USP44: variants seen among roughly 807,000 people sequenced by gnomAD.
USP44 encodes the protein ubiquitin specific peptidase 44, also known as ubiquitin carboxyl-terminal hydrolase 44.
In USP44, 61 loss-of-function variants were observed where a neutral mutation model predicts 69.0. The observed-to-expected ratio is 0.88, with a 90% CI of 0.72 to 1.09. The LOEUF is 1.09. Among genes scored for constraint, USP44 ranks in the 50% least tolerant of loss-of-function variants. USP44 has a pLI of 0.00. For missense variants in USP44, 753 were observed against 849.9 expected (o/e 0.89, Z 1.42); for synonymous variants, 297 against 295.4 (o/e 1.01, Z -0.06).
chr12:95,542,954 G>A (rs943140261), intron 1 of USP44, among the ~76,000 whole-genome samples: 7 of 151,468 alleles, frequency 4.6e-5, no homozygotes, highest in Admixed American at 4.0e-4. Context: ...CAGGTATGGT[G>A]GTGGGCGCCT....
intron 1 of USP44, chr12:95,535,338 A>C (rs2077165044): frequency 6.6e-6 from 1 of 152,172 alleles, no homozygotes. Flanking sequence ...TTACCATTAA[A>C]CTTATTTTTT....
In USP44 at chr12:95,533,597, A is replaced by G; in HGVS notation, c.660T>C (p.Ala220=). The change falls in exon 2 of 6, where the codon GCT becomes GCC. Residue 220 remains alanine (A), a synonymous_variant. Transcript: ENST00000258499. The part of the protein sequence containing the change: ...PRKSLRLQGL[A]QSTIIEIVSV... ...AAACTATTTCTATTATGGTCGACTG[A>G]GCGAGCCCTTGTAAACGTAAACTCT... 6.2e-7 allele frequency: 1 copy of G among 1,613,796 alleles called. No individual in the cohort carries two copies.
At chr12:95,531,057 G>A (rs1042570010) in intron 2 of USP44, among the ~76,000 whole-genome samples, 5 of 152,092 alleles carry the variant, frequency 3.3e-5, no homozygotes, top group African/African-American at 1.2e-4. Flanking sequence ...CCAGCTACTT[G>A]GGAGGCTGAG....
At chr12:95,545,040 T>C (rs936819624) in intron 1 of USP44, among the ~76,000 whole-genome samples, 27 of 152,158 alleles carry the variant, frequency 1.8e-4, no homozygotes, top group Non-Finnish European at 3.2e-4. Context: ...TTTTCTACTC[T>C]CATGTATGAC....
chr12:95,521,657 T>C (rs1415891265), intron 4 of USP44, among the ~76,000 whole-genome samples: 1 of 152,190 alleles, frequency 6.6e-6, no homozygotes, highest in East Asian at 1.9e-4. Context: ...CTAATTTTTG[T>C]ATTTTTAGTA....
Position 95,528,813 on chromosome 12 carries a change from A to G in USP44, c.1618T>C (p.Cys540Arg). The G allele has an allele frequency of 6.2e-7, 1 of 1,613,736 alleles. No individual in the cohort carries two copies. Among genetic ancestry groups the G allele is most frequent in the Non-Finnish European group, 8.5e-7 (1 of 1,179,932 alleles). Residue 540 changes from cysteine (C) to arginine (R), a missense_variant, in exon 3 of 6, where the codon TGT (cysteine) becomes CGT (arginine). Transcript: ENST00000258499. Reference protein sequence around the residue: ...LEGKIYVCDQCNSKRRRFSSK... With the variant: ...LEGKIYVCDQRNSKRRRFSSK... ...ACACAACGTCTTTACTCACAGTTAC[A>G]CTGGTCACATACGTAGATTTTTCCT...
intron 1 of USP44, among the ~76,000 whole-genome samples, chr12:95,539,053 AAT>A (rs2077298642): frequency 6.6e-6 from 1 of 152,234 alleles, no homozygotes; most frequent in Non-Finnish European, 1.5e-5. Context: ...GTACCAATAT[AAT>A]AGCACCTTAC....
chr12:95,538,296 G>T (rs996624488), intron 1 of USP44, among the ~76,000 whole-genome samples: 1 of 152,070 alleles, frequency 6.6e-6, no homozygotes, highest in African/African-American at 2.4e-5. Flanking sequence ...GTTGTTGAGG[G>T]AATTAACTTA....
At chr12:95,537,888 G>A (rs1380749085) in intron 1 of USP44, among the ~76,000 whole-genome samples, 1 of 152,144 alleles carries the variant, frequency 6.6e-6, no homozygotes, top group Admixed American at 6.5e-5. Context: ...TGTTAAGTAT[G>A]TGCTAAATTG....
intron 5 of USP44, among the ~76,000 whole-genome samples, chr12:95,519,432 A>ACTTTTTTTTTTTTTTTTTT (rs199606254): frequency 2.4e-5 from 2 of 84,544 alleles, no homozygotes; most frequent in Non-Finnish European, 2.2e-5. Context: ...CTCAATCTGT[A>ACTTTTTTTTTTTTTTTTTT]TTTTTTTTTT....
chr12:95,528,732 C>A (rs1478144043), intron 3 of USP44, 75 bp downstream of exon 3: 3 of 1,435,508 alleles, frequency 2.1e-6, no homozygotes, highest in South Asian at 1.5e-5. Context: ...CTAAAGATTT[C>A]TTTCAGCTTC....
intron 1 of USP44, among the ~76,000 whole-genome samples, chr12:95,535,853 G>C (rs553498570): frequency 1.3e-5 from 2 of 152,210 alleles, no homozygotes; most frequent in South Asian, 4.1e-4. Flanking sequence ...AGTTGAAACT[G>C]TGAATTTCAA....
At chr12:95,529,302 G>GTATACATA (rs967595213) in intron 2 of USP44, among the ~76,000 whole-genome samples, 9 of 151,776 alleles carry the variant, frequency 5.9e-5, no homozygotes, top group African/African-American at 1.5e-4. Flanking sequence ...AACACACTAT[G>GTATACATA]TATACATATA....
chr12:95,528,817 G>T lies in USP44; in HGVS notation c.1614C>A (p.Asp538Glu), dbSNP rs1334228302. The change falls in exon 3 of 6, where the codon GAC becomes GAA. Residue 538 changes from aspartate (D) to glutamate (E), a missense_variant. By Grantham distance (45) the Asp-to-Glu change is conservative. Transcript: ENST00000258499. ...EALEGKIYVC[D>E]QCNSKRRRFS... ...AACGTCTTTACTCACAGTTACACTG[G>T]TCACATACGTAGATTTTTCCTTCTA... The T allele has an allele frequency of 1.9e-6, 3 of 1,613,728 alleles. No homozygotes were observed. Among genetic ancestry groups the T allele is most frequent in the South Asian group, 2.2e-5 (2 of 91,046 alleles).
At chr12:95,543,654 A>C (rs1446938979) in intron 1 of USP44, among the ~76,000 whole-genome samples, 1 of 151,852 alleles carries the variant, frequency 6.6e-6, no homozygotes, top group Non-Finnish European at 1.5e-5. Flanking sequence ...AGGGTAGCTA[A>C]ATTTTTTTTA....
At chr12:95,539,515 C>T (rs1017154395) in intron 1 of USP44, among the ~76,000 whole-genome samples, 1 of 152,060 alleles carries the variant, frequency 6.6e-6, no homozygotes, top group African/African-American at 2.4e-5. Flanking sequence ...CATGAGTCAC[C>T]GCGCCCGGCC....
chr12:95,531,515 C>T (rs1236685599), intron 2 of USP44, among the ~76,000 whole-genome samples: 1 of 152,054 alleles, frequency 6.6e-6, no homozygotes, highest in Admixed American at 6.6e-5. Context: ...CTATATGTTG[C>T]ACTCTGTAAC....
intron 5 of USP44, among the ~76,000 whole-genome samples, chr12:95,519,430 G>GTT (rs1565798412): frequency 1.4e-4 from 16 of 112,476 alleles, no homozygotes; most frequent in African/African-American, 4.6e-4. Context: ...TACTCAATCT[G>GTT]TATTTTTTTT....
chr12:95,532,731 A>T, intron 2 of USP44, 98 bp downstream of exon 2: 1 of 991,276 alleles, frequency 1.0e-6, no homozygotes, highest in Non-Finnish European at 1.5e-6. Context: ...TGAAAATGGT[A>T]CTAGCTCAAC....
Sources: allele counts gnomAD v4.1 joint callset (sites outside exome capture counted in the v4.1 genomes callset), GRCh38; gene constraint gnomAD v4.1.1; transcripts MANE v1.5; gene names NCBI Gene and HGNC (gene_info 2026-07-23, HGNC 2026-07-21).